The following WBP1L variants were observed in gnomAD, a reference collection of about 807,000 sequenced individuals.
WBP1L encodes the protein WW domain binding protein 1-like.
A neutral mutation model predicts 33.7 loss-of-function variants in WBP1L; 17 were observed. The ratio of observed to expected loss-of-function variants is 0.50; its 90% CI spans 0.34 to 0.76. The LOEUF is 0.76. WBP1L is among the 30% of genes least tolerant of loss of function. WBP1L has a pLI of 0.01. For missense variants in WBP1L, 389 were observed against 469.4 expected (o/e 0.83, Z 1.58); for synonymous variants, 173 against 190.8 (o/e 0.91, Z 0.77).
intron 1 of WBP1L, among the ~76,000 whole-genome samples, chr10:102,747,090 A>T (rs531836651): frequency 1.3e-5 from 2 of 152,314 alleles, no homozygotes; most frequent in African/African-American, 4.8e-5. Context: ...AAGGCTGGGC[A>T]TGGTGGCTCA....
chr10:102,811,504 T>A (rs541138664), intron 3 of WBP1L, among the ~76,000 whole-genome samples: 1 of 152,300 alleles, frequency 6.6e-6, no homozygotes, highest in African/African-American at 2.4e-5. Flanking sequence ...ATTGTTTCTT[T>A]ACAATTGTTT....
intron 3 of WBP1L, among the ~76,000 whole-genome samples, chr10:102,811,954 A>G (rs1564771668): frequency 6.6e-6 from 1 of 152,170 alleles, no homozygotes; most frequent in Non-Finnish European, 1.5e-5. Context: ...AAGATAACTC[A>G]CCTAGCATGT....
chr10:102,804,423 A>ATTT (rs779082379), intron 2 of WBP1L, among the ~76,000 whole-genome samples: 217 of 138,150 alleles, frequency 1.6e-3, no homozygotes, highest in African/African-American at 4.7e-3. Context: ...TTTTTTTAAA[A>ATTT]AAAAAATTAT....
At chr10:102,762,846 C>T (rs1843058118) in intron 1 of WBP1L, among the ~76,000 whole-genome samples, 1 of 152,130 alleles carries the variant, frequency 6.6e-6, no homozygotes, top group African/African-American at 2.4e-5. Context: ...CCTACCCTTC[C>T]GGTACAGTAC....
chr10:102,758,438 C>G (rs1564754491), intron 1 of WBP1L, among the ~76,000 whole-genome samples: 1 of 152,186 alleles, frequency 6.6e-6, no homozygotes, highest in Non-Finnish European at 1.5e-5. Context: ...TTTATCTATT[C>G]TGGACATTTC....
chr10:102,769,330 A>G (rs1843155872), intron 1 of WBP1L, among the ~76,000 whole-genome samples: 1 of 150,892 alleles, frequency 6.6e-6, no homozygotes, highest in South Asian at 2.1e-4. Context: ...GTCCCTCAAC[A>G]GCATCCCTTC....
intron 1 of WBP1L, among the ~76,000 whole-genome samples, chr10:102,780,228 G>A (rs1843318476): frequency 6.6e-6 from 1 of 152,182 alleles, no homozygotes; most frequent in African/African-American, 2.4e-5. Context: ...TAAAAAAAAT[G>A]CTTTTTGTGC....
intron 2 of WBP1L, among the ~76,000 whole-genome samples, chr10:102,804,227 A>C (rs1440926595): frequency 6.6e-6 from 1 of 151,628 alleles, no homozygotes; most frequent in Non-Finnish European, 1.5e-5. Flanking sequence ...CATCTCCACT[A>C]AAAATACAAA....
At chr10:102,791,145 G>A (rs1430548362) in intron 1 of WBP1L, among the ~76,000 whole-genome samples, 1 of 152,112 alleles carries the variant, frequency 6.6e-6, no homozygotes, top group Non-Finnish European at 1.5e-5. Context: ...TGTTTCAGGT[G>A]GGCCCAAGAT....
intron 2 of WBP1L, among the ~76,000 whole-genome samples, chr10:102,800,868 C>G (rs577279889): frequency 9.9e-5 from 15 of 152,264 alleles, no homozygotes; most frequent in African/African-American, 3.6e-4. Flanking sequence ...TTCCCACCTT[C>G]CTTTGGAAAG....
At chr10:102,744,705 G>T (rs1842844057) in intron 1 of WBP1L, among the ~76,000 whole-genome samples, 1 of 152,182 alleles carries the variant, frequency 6.6e-6, no homozygotes, top group African/African-American at 2.4e-5. Context: ...ACTCTCAGAA[G>T]GCAGGTGGGA....
intron 1 of WBP1L, among the ~76,000 whole-genome samples, chr10:102,759,165 G>A (rs1223555457): frequency 6.6e-6 from 1 of 152,054 alleles, no homozygotes; most frequent in East Asian, 1.9e-4. Flanking sequence ...ACTCCCTTTC[G>A]CGGTCTGCTA....
At chr10:102,789,962 T>C (rs1439382334) in intron 1 of WBP1L, among the ~76,000 whole-genome samples, 1 of 152,050 alleles carries the variant, frequency 6.6e-6, no homozygotes, top group African/African-American at 2.4e-5. Flanking sequence ...ATGGTCTCGA[T>C]CTCCTGACCT....
In WBP1L at chr10:102,816,158, C is replaced by G. The variant is rs532299770; in HGVS notation, c.*2827C>G. 17 of 152,658 alleles carry G rather than the reference C, an allele frequency of 1.1e-4. No homozygotes were observed. Among genetic ancestry groups the G allele is most frequent in the Non-Finnish European group, 2.1e-4 (14 of 68,042 alleles). 9.5% of individuals were successfully genotyped at this position (152,658 alleles called of 1,614,324 possible). On this transcript the variant is annotated 3_prime_UTR_variant, in exon 4 of 4. Coordinates refer to ENST00000448841, the MANE Select transcript of WBP1L (RefSeq NM_001083913.2). ...AAGCAATAAGATTCAGCTGGTCAGA[C>G]TTTTCTGGGCAGTCTCAGTGACGCA...
intron 2 of WBP1L, among the ~76,000 whole-genome samples, chr10:102,808,374 A>T (rs924734422): frequency 1.2e-4 from 18 of 152,066 alleles, no homozygotes; most frequent in Non-Finnish European, 2.6e-4. Context: ...TAAAAAAAAA[A>T]TTTAAAAGCC....
In WBP1L at chr10:102,801,373, C is replaced by T. The variant is rs141500871; in HGVS notation, c.193+3278C>T. On this transcript the variant is annotated intron_variant, in intron 2 of 3. Transcript: ENST00000448841. ...GCATCAGAATTTCCTGAAGGGCTACCGAAAACACACACTTCTGGGCCCTAC... is the reference window on the plus strand; with the variant it reads ...GCATCAGAATTTCCTGAAGGGCTACTGAAAACACACACTTCTGGGCCCTAC... Among the ~76,000 whole-genome samples, 44 of 152,236 alleles carry T rather than the reference C, an allele frequency of 2.9e-4. 1 individual carries two copies. Among genetic ancestry groups the T allele is most frequent in the Admixed American group, 2.0e-3 (30 of 15,286 alleles).
rs1843886970 is a variant in WBP1L at position 102,813,816 on chromosome 10, T to TC, written c.*486dup. The TC allele has an allele frequency of 6.3e-6, 1 of 158,904 alleles. No homozygotes were observed. Among genetic ancestry groups the TC allele is most frequent in the Non-Finnish European group, 1.4e-5 (1 of 72,114 alleles). The allele number at this position is 158,904 out of a possible 1,614,324, so 9.8% of individuals were successfully genotyped here. A position where few individuals can be genotyped will look rare whatever the true frequency, so the allele number is the denominator to read the frequency against. On this transcript the variant is annotated 3_prime_UTR_variant, in exon 4 of 4. Coordinates refer to ENST00000448841, the MANE Select transcript of WBP1L (RefSeq NM_001083913.2). ...GAAACCCACAGAGGCCCAGGGCTTG[T>TC]CATTGGGCTGCCAGTGTCTGCCAAG...
intron 1 of WBP1L, among the ~76,000 whole-genome samples, chr10:102,781,978 A>G (rs1843344129): frequency 6.6e-6 from 1 of 151,864 alleles, no homozygotes; most frequent in South Asian, 2.1e-4. Flanking sequence ...GGTTCAAGGA[A>G]TTCTCGTGCC....
intron 1 of WBP1L, among the ~76,000 whole-genome samples, chr10:102,766,603 A>G (rs1843114211): frequency 6.6e-6 from 1 of 151,852 alleles, no homozygotes; most frequent in Non-Finnish European, 1.5e-5. Context: ...AGCTTGGGTG[A>G]CAGAGCAAGA....
Sources: allele counts gnomAD v4.1 joint callset (sites outside exome capture counted in the v4.1 genomes callset), GRCh38; gene constraint gnomAD v4.1.1; transcripts MANE v1.5; gene names NCBI Gene and HGNC (gene_info 2026-07-23, HGNC 2026-07-21).